The following MCF2L2 variants were observed in gnomAD, a reference collection of about 807,000 sequenced individuals.
MCF2L2 encodes the protein MCF.2 cell line derived transforming sequence-like 2.
Under a neutral mutation model 150.2 loss-of-function variants are expected in MCF2L2, and 102 were observed. That is an observed-to-expected ratio of 0.68 (90% CI 0.58 to 0.80). The LOEUF is 0.80. Among genes scored for constraint, MCF2L2 ranks in the 30% least tolerant of loss-of-function variants. MCF2L2 has a pLI of 0.00. For missense variants in MCF2L2, 1,256 were observed against 1,372.8 expected (o/e 0.91, Z 1.34); for synonymous variants, 465 against 491.3 (o/e 0.95, Z 0.71).
chr3:183,361,173 G>T (rs1181390331), intron 3 of MCF2L2, among the ~76,000 whole-genome samples: 2 of 146,514 alleles, frequency 1.4e-5, no homozygotes, highest in African/African-American at 5.2e-5. Context: ...AGGAAGGAAG[G>T]AAAGAAGGAA....
At chr3:183,285,017 T>C (rs1257444848) in intron 14 of MCF2L2, among the ~76,000 whole-genome samples, 4 of 152,220 alleles carry the variant, frequency 2.6e-5, no homozygotes, top group Non-Finnish European at 2.9e-5. Flanking sequence ...ATAAAACTTT[T>C]GGGAGTCAAA....
intron 15 of MCF2L2, chr3:183,273,091 T>TA: frequency 7.2e-7 from 1 of 1,395,454 alleles, no homozygotes; most frequent in African/African-American, 1.5e-5. Flanking sequence ...TCCAACCTTT[T>TA]AAAAAAGAAG....
chr3:183,404,261 A>G (rs2108615016), intron 1 of MCF2L2, among the ~76,000 whole-genome samples: 1 of 152,316 alleles, frequency 6.6e-6, no homozygotes, highest in South Asian at 2.1e-4. Flanking sequence ...ATACAATAAC[A>G]CATTTATCTA....
intron 9 of MCF2L2, chr3:183,310,545 T>C: frequency 3.6e-6 from 1 of 277,224 alleles, no homozygotes; most frequent in South Asian, 3.0e-5. Flanking sequence ...TGCCTGTAAT[T>C]CCAGCTACTT....
At chr3:183,218,409 G>A (rs1408937979) in intron 21 of MCF2L2, among the ~76,000 whole-genome samples, 1 of 152,144 alleles carries the variant, frequency 6.6e-6, no homozygotes, top group Admixed American at 6.5e-5. Flanking sequence ...GCCGAGGGGG[G>A]GAGTGGATCA....
chr3:183,266,547 TG>T (rs1726140760), intron 15 of MCF2L2, among the ~76,000 whole-genome samples: 1 of 152,222 alleles, frequency 6.6e-6, no homozygotes, highest in African/African-American at 2.4e-5. Context: ...GCCCTTGTTT[TG>T]GGGCTTCAGA....
intron 15 of MCF2L2, chr3:183,265,452 A>C (rs1381176032): frequency 6.6e-6 from 1 of 152,264 alleles, no homozygotes; most frequent in Admixed American, 6.5e-5. Context: ...TCTGAATAGG[A>C]AAGCTGGAAG....
At chr3:183,335,713 A>T (rs4859166) in intron 5 of MCF2L2, among the ~76,000 whole-genome samples, 39,621 of 151,796 alleles carry the variant, frequency 0.26, 7,414 homozygotes, top group African/African-American at 0.53. Flanking sequence ...AAAAAAAATT[A>T]AAAAATCAGC....
intron 25 of MCF2L2, among the ~76,000 whole-genome samples, chr3:183,198,009 G>C (rs1212787828): frequency 3.3e-5 from 5 of 152,088 alleles, no homozygotes; most frequent in African/African-American, 1.2e-4. Flanking sequence ...AATCACTTTG[G>C]AAACTATTTA....
Position 183,179,496 on chromosome 3 carries a change from G to C in MCF2L2, c.3229C>G (p.Arg1077Gly), listed in dbSNP as rs781605062. 6.2e-7 allele frequency: 1 copy of C among 1,609,158 alleles called. No homozygotes were observed. Among genetic ancestry groups the C allele is most frequent in the Non-Finnish European group, 8.5e-7 (1 of 1,177,132 alleles). The change falls in exon 30 of 30, where the codon CGC becomes GGC. Residue 1077 changes from arginine to glycine, a missense_variant. Transcript: ENST00000328913. This position sits in a 1 kb window ranked among gnomAD's most constrained non-coding sequence, Gnocchi z 4.2. ...EERDEEETATRSTEEERAGAS... is the reference protein window; with the variant it reads ...EERDEEETATGSTEEERAGAS... Reference sequence around the variant, plus strand: ...CCAGCGCGCTCCTCCTCGGTGCTGCGGGTCGCCCTGCAATTCCGAGAAGAA... The same window carrying C: ...CCAGCGCGCTCCTCCTCGGTGCTGCCGGTCGCCCTGCAATTCCGAGAAGAA...
At position 183,223,258 on chromosome 3, in the gene MCF2L2, G is replaced by C; in HGVS notation, c.2301+88C>G. 4 of 959,424 alleles carry C rather than the reference G, an allele frequency of 4.2e-6. No individual in the cohort carries two copies. The South Asian group carries it at 5.5e-5, about 13-fold the overall frequency. 59.4% of individuals were successfully genotyped at this position (959,424 alleles called of 1,614,324 possible). On this transcript the variant is annotated intron_variant, in intron 20 of 29. Coordinates refer to ENST00000328913, the MANE Select transcript of MCF2L2 (RefSeq NM_015078.4). ...GTATCTTCAGCCTTAGAAGACCAAG[G>C]CACAGCTCTACATGTGTAACGACAT...
At chr3:183,392,862 G>A (rs562047755) in intron 1 of MCF2L2, among the ~76,000 whole-genome samples, 1 of 152,242 alleles carries the variant, frequency 6.6e-6, no homozygotes, top group African/African-American at 2.4e-5. Flanking sequence ...CTCCTGTATA[G>A]GTAGGTAGGG....
intron 14 of MCF2L2, among the ~76,000 whole-genome samples, chr3:183,285,122 C>T (rs1727716203): frequency 6.6e-6 from 1 of 152,116 alleles, no homozygotes; most frequent in Non-Finnish European, 1.5e-5. Context: ...TGTATAAGAC[C>T]TGAATCTGAC....
At chr3:183,367,429 C>G (rs1011208506) in intron 3 of MCF2L2, among the ~76,000 whole-genome samples, 1 of 151,938 alleles carries the variant, frequency 6.6e-6, no homozygotes, top group East Asian at 1.9e-4. Context: ...GGGATTTCAC[C>G]GTGTTGGCCA....
intron 13 of MCF2L2, among the ~76,000 whole-genome samples, chr3:183,289,852 T>C (rs1297824498): frequency 1.3e-5 from 2 of 152,196 alleles, no homozygotes; most frequent in African/African-American, 4.8e-5. Flanking sequence ...CTAGACTCCA[T>C]CTCAAACAAA....
intron 3 of MCF2L2, among the ~76,000 whole-genome samples, chr3:183,354,565 C>G (rs937762042): frequency 4.9e-4 from 74 of 150,478 alleles, no homozygotes; most frequent in African/African-American, 1.7e-3. Context: ...CCATTTCAAC[C>G]AATTACCAAT....
At chr3:183,406,664 T>A (rs189292629) in intron 1 of MCF2L2, among the ~76,000 whole-genome samples, 2,029 of 152,248 alleles carry the variant, frequency 0.013, 32 homozygotes, top group African/African-American at 0.047. Flanking sequence ...AATTTTTGTA[T>A]TTTTAGTAGA....
Position 183,182,000 on chromosome 3 carries a change from T to C in MCF2L2, c.3017-1841A>G, listed in dbSNP as rs1281622196. Among the ~76,000 whole-genome samples the C allele has an allele frequency of 6.6e-6, 1 of 152,198 alleles. No individual in the cohort carries two copies. The highest frequency in any genetic ancestry group is 1.5e-5 in the Non-Finnish European group (1 of 68,032). ...TGGCACCTGGGGTAAAATGACTGCC[T>C]GGAGCTGGCAGCTGCTTTCCCTGCT... On this transcript the variant is annotated intron_variant, in intron 27 of 29. Transcript: ENST00000328913. This position sits in a 1 kb window ranked among gnomAD's most constrained non-coding sequence, Gnocchi z 4.3.
intron 1 of MCF2L2, among the ~76,000 whole-genome samples, chr3:183,407,249 G>A (rs1295019190): frequency 2.0e-5 from 3 of 152,210 alleles, no homozygotes; most frequent in Non-Finnish European, 2.9e-5. Flanking sequence ...CCACACTGTC[G>A]TGATTACTTT....
Sources: allele counts gnomAD v4.1 joint callset (sites outside exome capture counted in the v4.1 genomes callset), GRCh38; gene constraint gnomAD v4.1.1; non-coding constraint Gnocchi (gnomAD v3.1); transcripts MANE v1.5; gene names NCBI Gene and HGNC (gene_info 2026-07-23, HGNC 2026-07-21).